The following OR4K13 variants were observed in gnomAD, a reference collection of about 807,000 sequenced individuals.
The protein encoded by OR4K13 is olfactory receptor family 4 subfamily K member 13.
For missense variants in OR4K13, 403 were observed against 366.0 expected, an observed-to-expected ratio of 1.10 and a Z score of -0.82; for synonymous variants, 160 against 134.8, an observed-to-expected ratio of 1.19 and a Z score of -1.30.
chr14:20,029,725 AC>A lies in OR4K13; in HGVS notation c.*4118del. The A allele has an allele frequency of 6.6e-6, 1 of 152,186 alleles. No individual in the cohort carries two copies. The highest frequency in any genetic ancestry group is 2.4e-5 in the African/African-American group (1 of 41,540). 9.4% of individuals were successfully genotyped at this position (152,186 alleles called of 1,614,324 possible). A position where few individuals can be genotyped will look rare whatever the true frequency, so the allele number is the denominator to read the frequency against. On this transcript the variant is annotated 3_prime_UTR_variant, in exon 2 of 2. Coordinates refer to ENST00000641904, the MANE Select transcript of OR4K13 (RefSeq NM_001004714.2). ...GACCACTTGAGGTCAGGAGTTCGAG[AC>A]CAGCCTGGCCAATATGACAAAACTT...
Position 20,034,205 on chromosome 14 carries a change from A to T in OR4K13, c.554T>A (p.Ile185Asn). 6.2e-7 allele frequency: 1 copy of T among 1,614,196 alleles called. No individual in the cohort carries two copies. ...DSFFCDLPLV[I>N]KLACKDTYIL... The stretch of plus-strand genomic sequence containing the variant: ...GTAGGTGTCCTTGCAGGCAAGTTTA[A>T]TCACAAGGGGAAGGTCACAGAAAAA... The change falls in exon 2 of 2, where the codon ATT becomes AAT. Residue 185 changes from isoleucine to asparagine, a missense_variant. Transcript: ENST00000641904.
At position 20,033,100 on chromosome 14, in the gene OR4K13, G is replaced by T. The variant is rs1440271768; in HGVS notation, c.*744C>A. 1 of 152,226 alleles carries T rather than the reference G, an allele frequency of 6.6e-6. No individual in the cohort carries two copies. The highest frequency in any genetic ancestry group is 1.5e-5 in the Non-Finnish European group (1 of 68,082). 9.4% of individuals were successfully genotyped at this position (152,226 alleles called of 1,614,324 possible). ...ACCCTGTCCATCATGTAACAGTGCT[G>T]TTCGTGCCATGGAACAACTGCCAAT... On this transcript the variant is annotated 3_prime_UTR_variant, in exon 2 of 2. Transcript: ENST00000641904.
chr14:20,033,592 A>G lies in OR4K13; in HGVS notation c.*252T>C, dbSNP rs1877474606. 1 of 300,592 alleles carries G rather than the reference A, an allele frequency of 3.3e-6. No individual in the cohort carries two copies. Among genetic ancestry groups the G allele is most frequent in the Admixed American group, 4.8e-5 (1 of 20,660 alleles). The allele number at this position is 300,592 out of a possible 1,614,324, so 18.6% of individuals were successfully genotyped here. A position where few individuals can be genotyped will look rare whatever the true frequency, so the allele number is the denominator to read the frequency against. ...AACTGTAGATATTATGTGTTTGACC[A>G]TAAAAGATCACAAAAAGGTGTTTGC... On this transcript the variant is annotated 3_prime_UTR_variant, in exon 2 of 2. Coordinates refer to ENST00000641904, the MANE Select transcript of OR4K13 (RefSeq NM_001004714.2).
At position 20,033,610 on chromosome 14, in the gene OR4K13, G is replaced by T. The variant is rs1441131899; in HGVS notation, c.*234C>A. 7 of 327,504 alleles carry T rather than the reference G, an allele frequency of 2.1e-5. No homozygotes were observed. The highest frequency in any genetic ancestry group is 4.3e-5 in the African/African-American group (2 of 46,760). 20.3% of individuals were successfully genotyped at this position (327,504 alleles called of 1,614,324 possible). A position where few individuals can be genotyped will look rare whatever the true frequency, so the allele number is the denominator to read the frequency against. ...TTTGACCATAAAAGATCACAAAAAGGTGTTTGCTTTTTAACAATTACATCT... is the reference window on the plus strand; with the variant it reads ...TTTGACCATAAAAGATCACAAAAAGTTGTTTGCTTTTTAACAATTACATCT... On this transcript the variant is annotated 3_prime_UTR_variant, in exon 2 of 2. Transcript: ENST00000641904.
At chr14:20,035,412 T>A (rs1465508769) in intron 1 of OR4K13, among the ~76,000 whole-genome samples, 1 of 150,930 alleles carries the variant, frequency 6.6e-6, no homozygotes, top group Non-Finnish European at 1.5e-5. Flanking sequence ...TTAGCAGTAG[T>A]CACTACACAC....
intron 1 of OR4K13, among the ~76,000 whole-genome samples, chr14:20,035,317 G>A (rs1246388467): frequency 6.6e-6 from 1 of 151,732 alleles, no homozygotes; most frequent in African/African-American, 2.4e-5. Context: ...AATGGACTCT[G>A]GTAAAGAAAT....
In OR4K13 at chr14:20,033,979, C is replaced by T; in HGVS notation, c.780G>A (p.Trp260Ter). 1.2e-6 allele frequency: 2 copies of T among 1,613,666 alleles called. No homozygotes were observed. Among genetic ancestry groups the T allele is most frequent in the Non-Finnish European group, 1.7e-6 (2 of 1,179,850 alleles). Residue 260 changes from tryptophan to a stop codon, truncating the protein, a stop_gained, in exon 2 of 2, where the codon TGG becomes TGA. Transcript: ENST00000641904. LOFTEE classifies it low-confidence loss of function (END_TRUNC). The part of the protein sequence containing the change: ...FFAPCVFIYV[W>*]PFSRYSVDKI... ...TATCTACCGAGTATCTGCTGAAGGG[C>T]CAGACGTAGATAAAGACACACGGAG...
rs778922595 is a variant in OR4K13, at chr14:20,034,550, T to C, written c.209A>G (p.Asp70Gly). ...YFLLSNLSCI[D>G]MILASFATPK... ...GGTAGCAAAAGAAGCCAGGATCATA[T>C]CAATGCAGGAGAGGTTGCTAAGCAG... The change falls in exon 2 of 2, where the codon GAT becomes GGT. Residue 70 changes from aspartate to glycine, a missense_variant. By Grantham distance (94) the Asp-to-Gly change is moderately conservative. Coordinates refer to ENST00000641904, the MANE Select transcript of OR4K13 (RefSeq NM_001004714.2). 1.9e-6 allele frequency: 3 copies of C among 1,613,790 alleles called. No homozygotes were observed. Among genetic ancestry groups the C allele is most frequent in the Non-Finnish European group, 2.5e-6 (3 of 1,179,978 alleles).
At chr14:20,035,789 G>A (rs557209919) in intron 1 of OR4K13, 149 bp downstream of exon 1, 10 of 152,020 alleles carry the variant, frequency 6.6e-5, no homozygotes, top group East Asian at 1.9e-4. Flanking sequence ...ATTTGTCATC[G>A]GCTCATGCTT....
At position 20,031,705 on chromosome 14, in the gene OR4K13, T is replaced by C. The variant is rs1267743452; in HGVS notation, c.*2139A>G. On this transcript the variant is annotated 3_prime_UTR_variant, in exon 2 of 2. Coordinates refer to ENST00000641904, the MANE Select transcript of OR4K13 (RefSeq NM_001004714.2). ...CCTATGGGTATTTTCATAGTATGTG[T>C]TCAGAAAAGAGCTATTTCTAGTTAG... 6.6e-6 allele frequency: 1 copy of C among 152,160 alleles called. No individual in the cohort carries two copies. Among genetic ancestry groups the C allele is most frequent in the Non-Finnish European group, 1.5e-5 (1 of 68,038 alleles). The allele number at this position is 152,160 out of a possible 1,614,324, so 9.4% of individuals were successfully genotyped here.
In OR4K13 at chr14:20,032,750, T is replaced by C. The variant is rs1343472654; in HGVS notation, c.*1094A>G. ...AATGTACAAGTTGGGACAGGAATGG[T>C]CTATGCTTACTTTTTTTCCTTCCTG... is the stretch of plus-strand genomic sequence containing the variant. On this transcript the variant is annotated 3_prime_UTR_variant, in exon 2 of 2. Transcript: ENST00000641904. 1 of 152,188 alleles carries C rather than the reference T, an allele frequency of 6.6e-6. No individual in the cohort carries two copies. Among genetic ancestry groups the C allele is most frequent in the Non-Finnish European group, 1.5e-5 (1 of 68,046 alleles). The allele number at this position is 152,188 out of a possible 1,614,324, so 9.4% of individuals were successfully genotyped here. A position where few individuals can be genotyped will look rare whatever the true frequency, so the allele number is the denominator to read the frequency against.
rs770263134 is a variant in OR4K13 at position 20,033,821 on chromosome 14, C to T, written c.*23G>A. 4.0e-6 allele frequency: 5 copies of T among 1,237,142 alleles called. No homozygotes were observed. The African/African-American group carries it at 4.5e-5, about 11-fold the overall frequency. The allele number at this position is 1,237,142 out of a possible 1,614,324, so 76.6% of individuals were successfully genotyped here. ...CAAGAGAGTGTCTCTTCAAAAGTCT[C>T]ATCTAAAAAGTATGCTTTAAATTTA... is the stretch of plus-strand genomic sequence containing the variant. On this transcript the variant is annotated 3_prime_UTR_variant, in exon 2 of 2. Coordinates refer to ENST00000641904, the MANE Select transcript of OR4K13 (RefSeq NM_001004714.2).
Position 20,030,146 on chromosome 14 carries a change from G to C in OR4K13, c.*3698C>G, listed in dbSNP as rs1036117655. ...AAGGACAGGAAATGGGAAGGAGGAG[G>C]TGACTACTGTGGGGGACAGGAGCAT... On this transcript the variant is annotated 3_prime_UTR_variant, in exon 2 of 2. Coordinates refer to ENST00000641904, the MANE Select transcript of OR4K13 (RefSeq NM_001004714.2). The C allele has an allele frequency of 6.6e-6, 1 of 152,012 alleles. No homozygotes were observed. The highest frequency in any genetic ancestry group is 6.5e-5 in the Admixed American group (1 of 15,268). 9.4% of individuals were successfully genotyped at this position (152,012 alleles called of 1,614,324 possible).
rs760036674 is a variant in OR4K13, at chr14:20,034,481, G to C, written c.278C>G (p.Ser93Ter). 3 of 1,614,008 alleles carry C rather than the reference G, an allele frequency of 1.9e-6. No homozygotes were observed. The South Asian group carries it at 3.3e-5, about 18-fold the overall frequency. Residue 93 changes from serine to a stop codon, truncating the protein, a stop_gained, in exon 2 of 2, where the codon TCA (serine) becomes TGA (stop). Transcript: ENST00000641904. LOFTEE classifies it low-confidence loss of function (END_TRUNC). ...CATCTGGGAATAACATCCCCACCAT[G>C]AGATGGTCTTACGTTCTCGGAGGAA... The part of the protein sequence containing the change: ...VDFLRERKTI[S>*]WWGCYSQMFF...
At position 20,031,555 on chromosome 14, in the gene OR4K13, GA is replaced by G. The variant is rs1877418698; in HGVS notation, c.*2288del. ...GTTGGTAGCTTTTTTCTTGACATAA[GA>G]AATACATAAATAACTTACAAATAAT... On this transcript the variant is annotated 3_prime_UTR_variant, in exon 2 of 2. Transcript: ENST00000641904. 6.6e-6 allele frequency: 1 copy of G among 152,058 alleles called. No individual in the cohort carries two copies. Among genetic ancestry groups the G allele is most frequent in the Non-Finnish European group, 1.5e-5 (1 of 68,004 alleles). The allele number at this position is 152,058 out of a possible 1,614,324, so 9.4% of individuals were successfully genotyped here. A position where few individuals can be genotyped will look rare whatever the true frequency, so the allele number is the denominator to read the frequency against.
At position 20,032,205 on chromosome 14, in the gene OR4K13, A is replaced by C. The variant is rs1877438110; in HGVS notation, c.*1639T>G. The C allele has an allele frequency of 6.6e-6, 1 of 152,208 alleles. No homozygotes were observed. The allele number at this position is 152,208 out of a possible 1,614,324, so 9.4% of individuals were successfully genotyped here. On this transcript the variant is annotated 3_prime_UTR_variant, in exon 2 of 2. Transcript: ENST00000641904. ...CCCTAGGATTTCTAAGCAAGTCCTT[A>C]ATTAGATAAGAAACACTGTGTATGA...
chr14:20,034,310 G>T lies in OR4K13; in HGVS notation c.449C>A (p.Ala150Glu). The T allele has an allele frequency of 6.2e-7, 1 of 1,614,088 alleles. No homozygotes were observed. The highest frequency in any genetic ancestry group is 8.5e-7 in the Non-Finnish European group (1 of 1,179,990). The change falls in exon 2 of 2, where the codon GCA (alanine) becomes GAA (glutamate). Residue 150 changes from alanine (A) to glutamate (E), a missense_variant. Physicochemically the swap from Ala to Glu is moderately radical, Grantham distance 107 (BLOSUM62 -1). Coordinates refer to ENST00000641904, the MANE Select transcript of OR4K13 (RefSeq NM_001004714.2). The part of the protein sequence containing the change: ...VLTGLLLSSY[A>E]VGFVHSSSQM... ...ACTAGATGAGTGCACAAATCCAACT[G>T]CATAGGAGGATAACAGTAGCCCAGT...
In OR4K13 at chr14:20,034,380, AT is replaced by A; in HGVS notation, c.378del (p.Cys127AlafsTer7). ...ATGGTCATGTAATGGAGGGGTTTGCATATGGCAACATACCTGTCTATTGCCA... is the reference window on the plus strand; with the variant it reads ...ATGGTCATGTAATGGAGGGGTTTGCAATGGCAACATACCTGTCTATTGCCA... ...VAMAIDRYVA[I>X]CKPLHYMTIM... On this transcript the variant is annotated frameshift_variant, in exon 2 of 2. Transcript: ENST00000641904. LOFTEE classifies it low-confidence loss of function (END_TRUNC). 6.2e-7 allele frequency: 1 copy of A among 1,614,114 alleles called. No individual in the cohort carries two copies. The highest frequency in any genetic ancestry group is 8.5e-7 in the Non-Finnish European group (1 of 1,180,034).
Position 20,033,846 on chromosome 14 carries a change from A to T in OR4K13, c.913T>A (p.Ter305LysextTer2). Residue 305 changes from the stop codon to lysine, a stop_lost, in exon 2 of 2, where the codon TAA becomes AAA. Transcript: ENST00000641904. ...KAAIKKRLCI[*>K] The stretch of plus-strand genomic sequence containing the variant: ...CATCTAAAAAGTATGCTTTAAATTT[A>T]TATGCAGAGTCTTTTTTTAATGGCT... The T allele has an allele frequency of 7.1e-7, 1 of 1,415,894 alleles. No homozygotes were observed. Among genetic ancestry groups the T allele is most frequent in the Admixed American group, 2.0e-5 (1 of 50,846 alleles). 87.7% of individuals were successfully genotyped at this position (1,415,894 alleles called of 1,614,324 possible). A position where few individuals can be genotyped will look rare whatever the true frequency, so the allele number is the denominator to read the frequency against.
Sources: allele counts gnomAD v4.1 joint callset (sites outside exome capture counted in the v4.1 genomes callset), GRCh38; gene constraint gnomAD v4.1.1; transcripts MANE v1.5; gene names NCBI Gene and HGNC (gene_info 2026-07-23, HGNC 2026-07-21).